LRRC37A2: variants seen among roughly 807,000 people sequenced by gnomAD.
The protein encoded by LRRC37A2 is leucine rich repeat containing 37 member A2.
In LRRC37A2, 9 loss-of-function variants were observed where a neutral mutation model predicts 68.8. The ratio of observed to expected loss-of-function variants is 0.13; its 90% confidence interval spans 0.08 to 0.23. The LOEUF is 0.23. Among genes scored for constraint, LRRC37A2 ranks in the 10% least tolerant of loss-of-function variants. LRRC37A2 has a pLI of 1.00. For synonymous variants in LRRC37A2, 63 were observed against 367.6 expected, an observed-to-expected ratio of 0.17 and a Z score of 9.48; for missense variants, 168 against 950.4, an observed-to-expected ratio of 0.18 and a Z score of 10.82.
At chr17:46,829,574 G>A in the LRRC37A2 span, among the ~76,000 whole-genome samples, 1 of 152,292 alleles carries the variant, frequency 6.6e-6, no homozygotes, top group South Asian at 2.1e-4. Context: ...CAGGCTCCCT[G>A]AGTGTGTTTC....
the LRRC37A2 span, among the ~76,000 whole-genome samples, chr17:46,771,638 CGCCGG>C: frequency 6.9e-6 from 1 of 145,196 alleles, no homozygotes; most frequent in Non-Finnish European, 1.5e-5. Context: ...ATAATGCGGC[CGCCGG>C]GCCCGGGCCG....
the LRRC37A2 span, among the ~76,000 whole-genome samples, chr17:46,987,191 C>T: frequency 6.6e-6 from 1 of 152,012 alleles, no homozygotes; most frequent in African/African-American, 2.4e-5. Context: ...TGCAGTGAGC[C>T]AATATGGTGC....
the LRRC37A2 span, among the ~76,000 whole-genome samples, chr17:46,900,198 T>TACACAC: frequency 1.1e-3 from 99 of 92,090 alleles, 8 homozygotes; most frequent in African/African-American, 4.0e-3. Context: ...TATATATATA[T>TACACAC]ATATACACAC....
chr17:46,810,004 CTTTTTTT>C, the LRRC37A2 span, among the ~76,000 whole-genome samples: 1 of 126,390 alleles, frequency 7.9e-6, no homozygotes, highest in Non-Finnish European at 1.6e-5. Flanking sequence ...TTCTTTCTTT[CTTTTTTT>C]TTTTTTTTTT....
the LRRC37A2 span, chr17:46,940,800 TG>T: frequency 1.3e-6 from 2 of 1,490,818 alleles, no homozygotes; most frequent in Admixed American, 2.1e-5. Flanking sequence ...AGGTGGTTTT[TG>T]GGTCTTTACC....
the LRRC37A2 span, among the ~76,000 whole-genome samples, chr17:46,494,749 T>C: frequency 1.3e-5 from 2 of 151,408 alleles, no homozygotes; most frequent in South Asian, 4.1e-4. Context: ...TTTTGATAGA[T>C]TGATACAGTG....
At chr17:46,894,562 G>A in the LRRC37A2 span, among the ~76,000 whole-genome samples, 27 of 152,338 alleles carry the variant, frequency 1.8e-4, no homozygotes, top group East Asian at 3.1e-3. Context: ...CCCATGGGGC[G>A]GAAGTGCCGG....
At chr17:46,907,586 C>T in the LRRC37A2 span, among the ~76,000 whole-genome samples, 1 of 147,202 alleles carries the variant, frequency 6.8e-6, no homozygotes, top group Non-Finnish European at 1.5e-5. Flanking sequence ...CCTGTAGCTC[C>T]AGCAGATTGG....
chr17:46,558,376 G>GTT (rs1220226031), downstream of LRRC37A2, among the ~76,000 whole-genome samples: 1 of 106,844 alleles, frequency 9.4e-6, no homozygotes, highest in Non-Finnish European at 1.8e-5. Context: ...GGGTTTTGGG[G>GTT]TTTTTTTTGT....
chr17:46,763,469 G>T, the LRRC37A2 span: 25 of 152,342 alleles, frequency 1.6e-4, no homozygotes, highest in African/African-American at 6.0e-4. Context: ...AGAGCTGGGG[G>T]AAAGAACTCT....
At chr17:46,424,746 G>A in the LRRC37A2 span, among the ~76,000 whole-genome samples, 4 of 113,054 alleles carry the variant, frequency 3.5e-5, no homozygotes, top group African/African-American at 1.2e-4. Flanking sequence ...GCATTTCTTA[G>A]GATAAACTTT....
At chr17:46,939,626 A>G in the LRRC37A2 span, 4 of 985,520 alleles carry the variant, frequency 4.1e-6, no homozygotes, top group African/African-American at 7.0e-5. Flanking sequence ...AGTATCTCTA[A>G]TTCTTTGGTT....
the LRRC37A2 span, among the ~76,000 whole-genome samples, chr17:46,813,630 C>A: frequency 6.6e-6 from 1 of 151,926 alleles, no homozygotes; most frequent in Non-Finnish European, 1.5e-5. Flanking sequence ...ATTCTGAGAC[C>A]AGAAAAATCT....
the LRRC37A2 span, among the ~76,000 whole-genome samples, chr17:46,787,661 G>C: frequency 7.9e-5 from 12 of 152,310 alleles, no homozygotes; most frequent in African/African-American, 2.4e-4. Context: ...AGATGTATGA[G>C]ATGTAGCCTC....
At chr17:46,960,487 C>A in the LRRC37A2 span, among the ~76,000 whole-genome samples, 1 of 152,208 alleles carries the variant, frequency 6.6e-6, no homozygotes. Context: ...TATGACCCAG[C>A]AATCTCATTT....
chr17:46,978,381 A>AAAAC, the LRRC37A2 span: 2,957 of 368,366 alleles, frequency 8.0e-3, 22 homozygotes, highest in Non-Finnish European at 0.011. Flanking sequence ...AACGTCTTAA[A>AAAAC]AAACAAACAA....
At chr17:46,873,232 T>C in the LRRC37A2 span, among the ~76,000 whole-genome samples, 1 of 152,072 alleles carries the variant, frequency 6.6e-6, no homozygotes, top group East Asian at 1.9e-4. Flanking sequence ...TATCTGTCCC[T>C]TTGTTTGTCA....
At chr17:46,873,644 A>C in the LRRC37A2 span, among the ~76,000 whole-genome samples, 160 of 152,184 alleles carry the variant, frequency 1.1e-3, no homozygotes, top group African/African-American at 3.5e-3. Context: ...GGATCACTTT[A>C]GGTCAGGAGT....
chr17:46,866,365 AGT>A, the LRRC37A2 span, among the ~76,000 whole-genome samples: 1 of 151,446 alleles, frequency 6.6e-6, no homozygotes, highest in Non-Finnish European at 1.5e-5. Context: ...TGTGTGTGTG[AGT>A]GTGTATGTGC....
Sources: allele counts gnomAD v4.1 joint callset (sites outside exome capture counted in the v4.1 genomes callset), GRCh38; gene constraint gnomAD v4.1.1; transcripts MANE v1.5; gene names NCBI Gene and HGNC (gene_info 2026-07-23, HGNC 2026-07-21).